CNTN6: variants seen among roughly 807,000 people sequenced by gnomAD.
The protein encoded by CNTN6 is contactin-6.
In CNTN6, 137 loss-of-function variants were observed where a neutral mutation model predicts 122.8. The ratio of observed to expected loss-of-function variants is 1.12; its 90% CI spans 0.97 to 1.29. The LOEUF is 1.29. Ranked by LOEUF, CNTN6 falls within the 50% of genes most tolerant of loss-of-function variation. The pLI is 0.00. For missense variants in CNTN6, 1,634 were observed against 1,223.4 expected, an observed-to-expected ratio of 1.34 and a Z score of -5.01; for synonymous variants, 570 against 426.0, an observed-to-expected ratio of 1.34 and a Z score of -4.16.
At chr3:1,209,880 A>G (rs895700048) in intron 2 of CNTN6, among the ~76,000 whole-genome samples, 22 of 152,148 alleles carry the variant, frequency 1.4e-4, no homozygotes, top group African/African-American at 5.3e-4. Context: ...CTTTTCCTTT[A>G]ATCATGCTCC....
intron 8 of CNTN6, among the ~76,000 whole-genome samples, chr3:1,324,681 C>T (rs1701290922): frequency 6.7e-6 from 1 of 149,624 alleles, no homozygotes; most frequent in South Asian, 2.1e-4. Flanking sequence ...GTGGTCAACT[C>T]AATAACTCAG....
intron 1 of CNTN6, among the ~76,000 whole-genome samples, chr3:1,114,795 A>G (rs1189847294): frequency 2.0e-5 from 3 of 152,202 alleles, no homozygotes; most frequent in Non-Finnish European, 4.4e-5. Flanking sequence ...CAAGAAACAA[A>G]AAACTAAATT....
chr3:1,119,018 A>G (rs183662338), intron 1 of CNTN6, among the ~76,000 whole-genome samples: 60 of 152,240 alleles, frequency 3.9e-4, no homozygotes, highest in Admixed American at 3.8e-3. Context: ...AAATTCAGTG[A>G]TCCATCTCCC....
intron 1 of CNTN6, among the ~76,000 whole-genome samples, chr3:1,127,074 A>C (rs562685268): frequency 1.2e-3 from 189 of 151,598 alleles, no homozygotes; most frequent in African/African-American, 4.4e-3. Context: ...TTTAGTTTTT[A>C]TATATTTTAT....
At chr3:1,363,135 C>T (rs1559925377) in intron 12 of CNTN6, among the ~76,000 whole-genome samples, 1 of 151,838 alleles carries the variant, frequency 6.6e-6, no homozygotes, top group African/African-American at 2.4e-5. Context: ...GGTACAACAC[C>T]TTAAATGTTT....
intron 4 of CNTN6, among the ~76,000 whole-genome samples, chr3:1,259,382 T>C (rs192949532): frequency 6.9e-4 from 105 of 152,272 alleles, no homozygotes; most frequent in African/African-American, 2.5e-3. Context: ...ATGCAAATGC[T>C]GTGAAAATCC....
At chr3:1,327,002 C>T (rs1246035731) in intron 9 of CNTN6, among the ~76,000 whole-genome samples, 1 of 151,856 alleles carries the variant, frequency 6.6e-6, no homozygotes, top group Non-Finnish European at 1.5e-5. Flanking sequence ...AAGGATTTAG[C>T]TACTCCAACT....
intron 7 of CNTN6, among the ~76,000 whole-genome samples, chr3:1,310,395 A>T (rs1373283483): frequency 1.3e-5 from 2 of 152,066 alleles, no homozygotes; most frequent in Admixed American, 1.3e-4. Flanking sequence ...TTTTTCTTCT[A>T]TTCATTAGTG....
chr3:1,114,979 G>A (rs2091650761), intron 1 of CNTN6, among the ~76,000 whole-genome samples: 1 of 152,122 alleles, frequency 6.6e-6, no homozygotes, highest in African/African-American at 2.4e-5. Flanking sequence ...TCATCTGAAA[G>A]TCTGTCACTT....
chr3:1,344,300 C>G (rs1384573029), intron 11 of CNTN6, among the ~76,000 whole-genome samples: 1 of 152,126 alleles, frequency 6.6e-6, no homozygotes, highest in East Asian at 1.9e-4. Context: ...ATAGTCACAT[C>G]ATTGGTAGCT....
At chr3:1,204,675 T>C (rs1478745329) in intron 2 of CNTN6, among the ~76,000 whole-genome samples, 3 of 152,166 alleles carry the variant, frequency 2.0e-5, no homozygotes, top group Admixed American at 6.5e-5. Flanking sequence ...TTCATCTTGA[T>C]TTGAGAGTGA....
chr3:1,234,353 T>C (rs1409309950), intron 4 of CNTN6, among the ~76,000 whole-genome samples: 1 of 152,264 alleles, frequency 6.6e-6, no homozygotes, highest in East Asian at 1.9e-4. Flanking sequence ...TATTTAAAGG[T>C]GATAAATATT....
chr3:1,152,001 TTAA>T (rs139259636), intron 2 of CNTN6, among the ~76,000 whole-genome samples: 2,575 of 152,278 alleles, frequency 0.017, 83 homozygotes, highest in African/African-American at 0.057. Context: ...AAAAAATATG[TTAA>T]TGAGATAATT....
intron 2 of CNTN6, among the ~76,000 whole-genome samples, chr3:1,149,747 A>G (rs2092799565): frequency 6.6e-6 from 1 of 152,160 alleles, no homozygotes; most frequent in Admixed American, 6.5e-5. Flanking sequence ...CCCAAATCAT[A>G]TATGTGTGAA....
At chr3:1,382,400 A>G (rs1692034433) in intron 17 of CNTN6, among the ~76,000 whole-genome samples, 1 of 150,032 alleles carries the variant, frequency 6.7e-6, no homozygotes, top group Admixed American at 6.6e-5. Context: ...AAATGCACAC[A>G]TGTCACTACC....
At chr3:1,328,045 A>G (rs1468315272) in intron 10 of CNTN6, among the ~76,000 whole-genome samples, 1 of 151,856 alleles carries the variant, frequency 6.6e-6, no homozygotes, top group South Asian at 2.1e-4. Context: ...TCAAAGCCTC[A>G]TGGTTACAAG....
At chr3:1,265,642 A>T (rs533186505) in intron 4 of CNTN6, among the ~76,000 whole-genome samples, 3 of 152,150 alleles carry the variant, frequency 2.0e-5, no homozygotes, top group Admixed American at 1.3e-4. Flanking sequence ...TCAGCATTCT[A>T]TATCTTGATT....
intron 7 of CNTN6, among the ~76,000 whole-genome samples, chr3:1,305,145 G>C (rs1294509695): frequency 1.4e-4 from 21 of 152,276 alleles, no homozygotes; most frequent in Admixed American, 1.4e-3. Context: ...ATTTCTAAAA[G>C]TCTGGTATAC....
intron 1 of CNTN6, among the ~76,000 whole-genome samples, chr3:1,106,051 G>T (rs1477137627): frequency 6.6e-6 from 1 of 152,078 alleles, no homozygotes; most frequent in Non-Finnish European, 1.5e-5. Flanking sequence ...ACTACAAATT[G>T]TATTTGAGAC....
Sources: allele counts gnomAD v4.1 joint callset (sites outside exome capture counted in the v4.1 genomes callset), GRCh38; gene constraint gnomAD v4.1.1; transcripts MANE v1.5; gene names NCBI Gene and HGNC (gene_info 2026-07-23, HGNC 2026-07-21).